Variants in MDN1 observed in about 807,000 individuals in gnomAD.
MDN1 encodes the protein midasin.
MDN1 carries 266 observed loss-of-function variants against 669.2 expected under a neutral mutation model. The ratio of observed to expected loss-of-function variants is 0.40; its 90% confidence interval spans 0.36 to 0.44. MDN1 has a LOEUF of 0.44. Among genes scored for constraint, MDN1 ranks in the 20% least tolerant of loss-of-function variants. The pLI is 1.00. For synonymous variants in MDN1, 2,385 were observed against 2,457.1 expected (o/e 0.97, Z 0.87); for missense variants, 5,940 against 6,754.0 (o/e 0.88, Z 4.22).
chr6:89,754,041 A>C, intron 21 of MDN1, 42 bp downstream of exon 21: 1 of 1,590,750 alleles, frequency 6.3e-7, no homozygotes, highest in South Asian at 1.1e-5. Context: ...CCATGAACCC[A>C]TCCATTAAGC....
intron 15 of MDN1, among the ~76,000 whole-genome samples, chr6:89,767,628 T>A (rs1817864527): frequency 6.6e-6 from 1 of 152,020 alleles, no homozygotes; most frequent in African/African-American, 2.4e-5. Context: ...TGGTGGTACA[T>A]GCCTGTAATC....
intron 31 of MDN1, among the ~76,000 whole-genome samples, chr6:89,742,309 A>C (rs1283594320): frequency 1.3e-5 from 2 of 151,838 alleles, no homozygotes; most frequent in East Asian, 1.9e-4. Context: ...CTACTCAAGA[A>C]GCTGAGGCAC....
chr6:89,692,723 G>A lies in MDN1; in HGVS notation c.10307C>T (p.Ala3436Val), dbSNP rs1273453343. The A allele has an allele frequency of 1.9e-6, 3 of 1,614,056 alleles. No individual in the cohort carries two copies. The highest frequency in any genetic ancestry group is 1.3e-5 in the African/African-American group (1 of 74,944). The stretch of plus-strand genomic sequence containing the variant: ...CGATGGGAAAGCCAGCAAGGCTGTG[G>A]CCAGGGTCCCCAGCCTGTCTGCACC... Reference protein sequence around the residue: ...MVGADRLGTLATALLAFPSVG... With the variant: ...MVGADRLGTLVTALLAFPSVG... Residue 3436 changes from alanine (A) to valine (V), a missense_variant, in exon 63 of 102, where the codon GCC becomes GTC. Physicochemically the swap from Ala to Val is moderately conservative, Grantham distance 64. This residue lies in a region of MDN1 where 150 missense variants were observed against 234.2 expected (regional missense o/e 0.64). Transcript: ENST00000369393.
intron 71 of MDN1, 110 bp downstream of exon 71, chr6:89,684,766 C>T: frequency 1.5e-6 from 1 of 657,344 alleles, no homozygotes; most frequent in Non-Finnish European, 2.6e-6. Flanking sequence ...CAATGCTCAC[C>T]TCTATTCCCC....
intron 40 of MDN1, among the ~76,000 whole-genome samples, chr6:89,721,039 G>A (rs145004044): frequency 1.3e-5 from 2 of 152,340 alleles, no homozygotes; most frequent in African/African-American, 4.8e-5. Context: ...TCAGTGGGCT[G>A]GGGTGGGAAG....
chr6:89,723,434 G>C (rs1814976400), intron 39 of MDN1, 78 bp downstream of exon 39: 1 of 894,020 alleles, frequency 1.1e-6, no homozygotes, highest in Admixed American at 3.2e-5. Context: ...CTGATAATTT[G>C]GTAGAACTCT....
At chr6:89,648,989 TAAAA>T (rs35332439) in intron 97 of MDN1, among the ~76,000 whole-genome samples, 5 of 135,014 alleles carry the variant, frequency 3.7e-5, no homozygotes, top group African/African-American at 5.6e-5. Context: ...ACCCTGTCTT[TAAAA>T]AAAAAAAAAA....
At chr6:89,750,320 C>T (rs377331824) in intron 24 of MDN1, 34 bp downstream of exon 24, 210 of 1,551,074 alleles carry the variant, frequency 1.4e-4, no homozygotes, top group Non-Finnish European at 1.7e-4. Context: ...AAAGAATAAA[C>T]ACCTATGTCC....
intron 94 of MDN1, 65 bp from the exon 95 acceptor site, chr6:89,652,346 G>T (rs1808938613): frequency 2.4e-6 from 3 of 1,233,106 alleles, no homozygotes; most frequent in African/African-American, 1.5e-5. Flanking sequence ...GTATCACTGG[G>T]TGTCTTCCGC....
At chr6:89,674,074 A>G in intron 79 of MDN1, 30 bp downstream of exon 79, 1 of 1,607,096 alleles carries the variant, frequency 6.2e-7, no homozygotes, top group South Asian at 1.1e-5. Flanking sequence ...CTAAGCACAC[A>G]GAGAAGTGTA....
chr6:89,684,858 G>A lies in MDN1; in HGVS notation c.11829+18C>T. 6.7e-7 allele frequency: 1 copy of A among 1,488,378 alleles called. No individual in the cohort carries two copies. The highest frequency in any genetic ancestry group is 9.4e-7 in the Non-Finnish European group (1 of 1,067,070). 92.2% of individuals were successfully genotyped at this position (1,488,378 alleles called of 1,614,324 possible). The stretch of plus-strand genomic sequence containing the variant: ...ATTTTGTCCTCCCAAGAGTGATCAT[G>A]ACAGCTGTTCATCTTACTTTAAGTT... On this transcript the variant is annotated intron_variant, in intron 71 of 101. Coordinates refer to ENST00000369393, the MANE Select transcript of MDN1 (RefSeq NM_014611.3).
Position 89,727,787 on chromosome 6 carries a change from T to TCA in MDN1, c.5472+44_5472+45dup, listed in dbSNP as rs758128912. 5 of 1,613,182 alleles carry TCA rather than the reference T, an allele frequency of 3.1e-6. No individual in the cohort carries two copies. The Admixed American group carries it at 5.0e-5, about 16-fold the overall frequency. Reference sequence around the variant, plus strand: ...GGAGCTGTGAAAGGATGACTGCTCCTCACACACATGATCACCGTCTTGGGC... The same window carrying TCA: ...GGAGCTGTGAAAGGATGACTGCTCCTCACACACACATGATCACCGTCTTGGGC... On this transcript the variant is annotated intron_variant, in intron 37 of 101. Coordinates refer to ENST00000369393, the MANE Select transcript of MDN1 (RefSeq NM_014611.3).
rs772122551 is a variant in MDN1, at chr6:89,675,447, A to G, written c.12761+17T>C. The G allele has an allele frequency of 2.1e-5, 33 of 1,605,052 alleles. No homozygotes were observed. The highest frequency in any genetic ancestry group is 2.5e-5 in the Non-Finnish European group (29 of 1,173,972). On this transcript the variant is annotated intron_variant, in intron 78 of 101. Transcript: ENST00000369393. ...TCTTCCCAATTCATGCCACAAGCCC[A>G]ACTCATCAGCTGATACCTGAGGATG... is the stretch of plus-strand genomic sequence containing the variant.
At position 89,782,998 on chromosome 6, in the gene MDN1, G is replaced by GT. The variant is rs547303652; in HGVS notation, c.1450-1407dup. Among the ~76,000 whole-genome samples, 283 of 152,302 alleles carry GT rather than the reference G, an allele frequency of 1.9e-3. 2 individuals are homozygous for GT. Among genetic ancestry groups the GT allele is most frequent in the African/African-American group, 6.4e-3 (265 of 41,568 alleles). On this transcript the variant is annotated intron_variant, in intron 9 of 101. Transcript: ENST00000369393. Reference sequence around the variant, plus strand: ...GGATGTACGTCACCTCAGGACCACTGTGACAACTGTGTTAACTGTACAAAT... The same window carrying GT: ...GGATGTACGTCACCTCAGGACCACTGTTGACAACTGTGTTAACTGTACAAAT...
chr6:89,744,111 A>C (rs1249582100), intron 29 of MDN1, among the ~76,000 whole-genome samples: 3 of 140,942 alleles, frequency 2.1e-5, no homozygotes, highest in Admixed American at 1.5e-4. Flanking sequence ...CTTAAAAAAA[A>C]AAAAAAAAAA....
At chr6:89,673,522 C>G in intron 79 of MDN1, 60 bp from the exon 80 acceptor site, 1 of 1,430,290 alleles carries the variant, frequency 7.0e-7, no homozygotes, top group South Asian at 1.2e-5. Context: ...AAACACACAC[C>G]CCTCCCTGCA....
In MDN1 at chr6:89,699,058, G is replaced by A. The variant is rs768318929; in HGVS notation, c.8998-23C>T. 1.0e-5 allele frequency: 16 copies of A among 1,579,828 alleles called. No individual in the cohort carries two copies. In the African/African-American group the frequency reaches 1.6e-4, roughly 16 times the overall value. On this transcript the variant is annotated intron_variant, in intron 58 of 101. Transcript: ENST00000369393. ...CACCTAGAAATAAAGGAATAATTAG[G>A]TAAGAGAATACCTGAGAAAGACTCC... is the stretch of plus-strand genomic sequence containing the variant.
intron 13 of MDN1, among the ~76,000 whole-genome samples, chr6:89,773,517 G>A (rs1160701645): frequency 3.3e-5 from 5 of 149,742 alleles, no homozygotes; most frequent in Admixed American, 3.3e-4. Flanking sequence ...TCCAGCCTGG[G>A]GGACAGAGCA....
At chr6:89,758,384 G>T in intron 18 of MDN1, 33 bp from the exon 19 acceptor site, 2 of 1,533,088 alleles carry the variant, frequency 1.3e-6, no homozygotes, top group African/African-American at 1.4e-5. Context: ...TCTCAACAAA[G>T]GTATGATTAT....
Sources: allele counts gnomAD v4.1 joint callset (sites outside exome capture counted in the v4.1 genomes callset), GRCh38; gene constraint gnomAD v4.1.1; regional missense constraint gnomAD v4.1.1; transcripts MANE v1.5; gene names NCBI Gene and HGNC (gene_info 2026-07-23, HGNC 2026-07-21).